Variants in CPSF1 observed in about 807,000 individuals in gnomAD.
CPSF1 encodes the protein cleavage and polyadenylation specific factor 1.
Under a neutral mutation model 175.8 loss-of-function variants are expected in CPSF1, and 106 were observed. The ratio of observed to expected loss-of-function variants is 0.60; its 90% confidence interval spans 0.52 to 0.71. The LOEUF is 0.71. Ranked by LOEUF, CPSF1 falls within the 30% of genes least tolerant of loss-of-function variation. The probability of loss-of-function intolerance (pLI) is 0.00; values close to 1 mark genes in which losing one functional copy is unlikely to be tolerated. For missense variants in CPSF1, 1,734 were observed against 2,022.9 expected (o/e 0.86, Z 2.74); for synonymous variants, 1,024 against 858.3 (o/e 1.19, Z -3.37).
Position 144,400,604 on chromosome 8 carries a change from G to A in CPSF1, c.686+67C>T, listed in dbSNP as rs1352710501. 7.5e-6 allele frequency: 12 copies of A among 1,596,234 alleles called. No homozygotes were observed. The African/African-American group carries it at 1.6e-4, about 21-fold the overall frequency. On this transcript the variant is annotated intron_variant, in intron 7 of 37. Transcript: ENST00000616140. ...CCATAGGCCCCGCCCTAAACCCCAT[G>A]GGCCCCACCCCAGGCAGAGGCAGCT...
chr8:144,394,072 C>T lies in CPSF1; in HGVS notation c.3860-34G>A, dbSNP rs781873059. On this transcript the variant is annotated intron_variant, in intron 34 of 37. Transcript: ENST00000616140. ...GAAAGGCCTAGGGGTCACTGCTAGC[C>T]CAGCCCCGGCCCAGGCAGAGGGGGT... The T allele has an allele frequency of 1.6e-5, 25 of 1,610,750 alleles. 1 individual carries two copies. The South Asian group carries it at 2.6e-4, about 17-fold the overall frequency.
rs781992735 is a variant in CPSF1 at position 144,397,793 on chromosome 8, C to G, written c.2160G>C (p.Glu720Asp). 3 of 1,610,400 alleles carry G rather than the reference C, an allele frequency of 1.9e-6. No homozygotes were observed. The highest frequency in any genetic ancestry group is 2.5e-6 in the Non-Finnish European group (3 of 1,178,902). The change falls in exon 21 of 38, where the codon GAG (glutamate) becomes GAC (aspartate). Residue 720 changes from glutamate (E) to aspartate (D), a missense_variant. Glu to Asp is a conservative substitution (Grantham distance 45). Transcript: ENST00000616140. ...CCTCCGGGCCACTGCGGCCCCCGAG[C>G]TCGTCACGGGCCCCACCCAGGCGGC... ...TESRLGGARD[E>D]LGGRSGPEAE...
At chr8:144,398,751 G>T in intron 17 of CPSF1, 28 bp downstream of exon 17, 1 of 1,589,710 alleles carries the variant, frequency 6.3e-7, no homozygotes, top group Non-Finnish European at 8.6e-7. Flanking sequence ...CCCATCCCAG[G>T]GCCTCCCTGC....
At position 144,393,412 on chromosome 8, in the gene CPSF1, C is replaced by G. The variant is rs1423960230; in HGVS notation, c.4284+40G>C. The G allele has an allele frequency of 8.8e-6, 6 of 681,198 alleles. No homozygotes were observed. The East Asian group carries it at 1.9e-4, about 22-fold the overall frequency. The allele number at this position is 681,198 out of a possible 1,614,324, so 42.2% of individuals were successfully genotyped here. On this transcript the variant is annotated intron_variant, in intron 37 of 37. Coordinates refer to ENST00000616140, the MANE Select transcript of CPSF1 (RefSeq NM_013291.3). ...GTGGGTGGGTGGGTGGGGATGCACA[C>G]GGAGGGGCGGGGCGCGCGGGGGGCG...
In CPSF1 at chr8:144,399,225, G is replaced by A. The variant is rs1564691782; in HGVS notation, c.1393-23C>T. 6.2e-7 allele frequency: 1 copy of A among 1,611,594 alleles called. No individual in the cohort carries two copies. Among genetic ancestry groups the A allele is most frequent in the Non-Finnish European group, 8.5e-7 (1 of 1,179,522 alleles). ...CACCTGCGGCACAGCAAGAGTCAGG[G>A]GCCCGCTGGGGGCGCTGGCTGGGAC... On this transcript the variant is annotated intron_variant, in intron 14 of 37. Coordinates refer to ENST00000616140, the MANE Select transcript of CPSF1 (RefSeq NM_013291.3). This position sits in a 1 kb window ranked among gnomAD's most constrained non-coding sequence, Gnocchi z 6.4.
In CPSF1 at chr8:144,401,567, G is replaced by C; in HGVS notation, c.173-4C>G. The stretch of plus-strand genomic sequence containing the variant: ...TTCTCCCGGTGGGCCTTCCCCTCTA[G>C]GGGAGACACCAGGGCTCAGGGTCAG... On this transcript the variant is annotated splice_polypyrimidine_tract_variant and splice_region_variant and intron_variant, in intron 3 of 37. Coordinates refer to ENST00000616140, the MANE Select transcript of CPSF1 (RefSeq NM_013291.3). The C allele has an allele frequency of 1.2e-6, 2 of 1,613,424 alleles. No homozygotes were observed. The highest frequency in any genetic ancestry group is 1.3e-5 in the African/African-American group (1 of 75,044).
Position 144,393,449 on chromosome 8 carries a change from C to CA in CPSF1, c.4284+2dup. On this transcript the variant is annotated splice_region_variant and intron_variant, in intron 37 of 37. Transcript: ENST00000616140. ...GCGCGCGGGGGGCGGGGCGCGCACTCACTATGTCTGGTGTGGTGCCGATCT... is the reference window on the plus strand; with the variant it reads ...GCGCGCGGGGGGCGGGGCGCGCACTCAACTATGTCTGGTGTGGTGCCGATCT... The CA allele has an allele frequency of 6.5e-7, 1 of 1,549,248 alleles. No individual in the cohort carries two copies. Among genetic ancestry groups the CA allele is most frequent in the African/African-American group, 1.4e-5 (1 of 72,868 alleles).
chr8:144,399,327 C>T lies in CPSF1; in HGVS notation c.1341G>A (p.Val447=). The change falls in exon 14 of 38, where the codon GTG becomes GTA. Residue 447 remains valine, a synonymous_variant. Coordinates refer to ENST00000616140, the MANE Select transcript of CPSF1 (RefSeq NM_013291.3). This position sits in a 1 kb window ranked among gnomAD's most constrained non-coding sequence, Gnocchi z 6.4. The part of the protein sequence containing the change: ...VPQDEVDEIE[V]YGSEAQSGTQ... Reference sequence around the variant, plus strand: ...TTCCCGACTGGGCCTCGCTGCCGTACACTTCAATCTCGTCCACCTCATCCT... The same window carrying T: ...TTCCCGACTGGGCCTCGCTGCCGTATACTTCAATCTCGTCCACCTCATCCT... The T allele has an allele frequency of 1.9e-6, 3 of 1,612,528 alleles. No individual in the cohort carries two copies. The South Asian group carries it at 3.3e-5, about 18-fold the overall frequency.
At chr8:144,400,140 C>A (rs2116871918) in intron 9 of CPSF1, 26 bp downstream of exon 9, 7 of 1,242,080 alleles carry the variant, frequency 5.6e-6, no homozygotes, top group East Asian at 2.6e-5. Flanking sequence ...CCCGGGCCCC[C>A]CCCGCCCCAG....
chr8:144,394,971 G>T lies in CPSF1; in HGVS notation c.3325C>A (p.Arg1109Ser). Reference sequence around the variant, plus strand: ...AGGCCCGACACGGTCTCCTCACTGCGCAGAGACACTGTCTTCATGCAGGTC... The same window carrying T: ...AGGCCCGACACGGTCTCCTCACTGCTCAGAGACACTGTCTTCATGCAGGTC... ...HVTCMKTVSL[R>S]SEETVSGLKG... Residue 1109 changes from arginine to serine, a missense_variant, in exon 30 of 38, where the codon CGC (arginine) becomes AGC (serine). Arg to Ser is a moderately radical substitution (Grantham distance 110). Transcript: ENST00000616140. 6.2e-7 allele frequency: 1 copy of T among 1,612,892 alleles called. No individual in the cohort carries two copies.
intron 31 of CPSF1, 28 bp downstream of exon 31, chr8:144,394,616 G>A (rs1554862874): frequency 1.2e-6 from 2 of 1,602,086 alleles, no homozygotes; most frequent in South Asian, 2.2e-5. Context: ...GTGAGCCGGG[G>A]GACACACGCC....
Position 144,399,218 on chromosome 8 carries a change from A to C in CPSF1, c.1393-16T>G, listed in dbSNP as rs2116860496. On this transcript the variant is annotated splice_polypyrimidine_tract_variant and intron_variant, in intron 14 of 37. Coordinates refer to ENST00000616140, the MANE Select transcript of CPSF1 (RefSeq NM_013291.3). The surrounding 1 kb of genome is among the most constrained non-coding windows in gnomAD (Gnocchi z 6.4). ...TGTCACACACCTGCGGCACAGCAAG[A>C]GTCAGGGGCCCGCTGGGGGCGCTGG... The C allele has an allele frequency of 6.2e-7, 1 of 1,611,438 alleles. No homozygotes were observed. Among genetic ancestry groups the C allele is most frequent in the Non-Finnish European group, 8.5e-7 (1 of 1,179,456 alleles).
At chr8:144,400,142 C>CCA (rs1325701634) in intron 9 of CPSF1, 24 bp downstream of exon 9, 8 of 1,248,284 alleles carry the variant, frequency 6.4e-6, no homozygotes, top group East Asian at 2.5e-5. Context: ...CGGGCCCCCC[C>CCA]CGCCCCAGCC....
rs2116854700 is a variant in CPSF1, at chr8:144,398,772, C to G, written c.1638+7G>C. The G allele has an allele frequency of 3.1e-6, 5 of 1,593,414 alleles. No individual in the cohort carries two copies. Among genetic ancestry groups the G allele is most frequent in the African/African-American group, 2.7e-5 (2 of 74,632 alleles). ...CCAGGGCCTCCCTGCAGCAGGCTCG[C>G]ACCTACCTCCTCCTTACGCACCGGG... On this transcript the variant is annotated splice_region_variant and intron_variant, in intron 17 of 37. Transcript: ENST00000616140.
chr8:144,407,135 G>A (rs1298865757), intron 2 of CPSF1, among the ~76,000 whole-genome samples: 5 of 151,542 alleles, frequency 3.3e-5, no homozygotes, highest in Non-Finnish European at 7.4e-5. Context: ...GACTGGTCTC[G>A]AACCCATGAC....
Position 144,398,446 on chromosome 8 carries a change from G to A in CPSF1, c.1753-3C>T, listed in dbSNP as rs1414634961. The A allele has an allele frequency of 2.5e-6, 4 of 1,613,642 alleles. No individual in the cohort carries two copies. The highest frequency in any genetic ancestry group is 2.2e-5 in the East Asian group (1 of 44,884). On this transcript the variant is annotated splice_region_variant and splice_polypyrimidine_tract_variant and intron_variant, in intron 18 of 37. Transcript: ENST00000616140. ...ATCTCCTGCCCCGTCTGCAGGATCT[G>A]CGGGCGACAGCTGTGAGGGAGGCGC...
At position 144,397,897 on chromosome 8, in the gene CPSF1, G is replaced by C. The variant is rs1820872556; in HGVS notation, c.2074-18C>G. 6.3e-7 allele frequency: 1 copy of C among 1,599,974 alleles called. No homozygotes were observed. The highest frequency in any genetic ancestry group is 1.3e-5 in the African/African-American group (1 of 74,854). On this transcript the variant is annotated intron_variant, in intron 20 of 37. Coordinates refer to ENST00000616140, the MANE Select transcript of CPSF1 (RefSeq NM_013291.3). The stretch of plus-strand genomic sequence containing the variant: ...TTGGACTGCTGCGGGGAGAGGGGTG[G>C]GCTCAGCGGCGGGCAAGGGGCAGGG...
At position 144,396,894 on chromosome 8, in the gene CPSF1, G is replaced by C; in HGVS notation, c.2628C>G (p.Ala876=). The C allele has an allele frequency of 6.2e-7, 1 of 1,613,882 alleles. No individual in the cohort carries two copies. Among genetic ancestry groups the C allele is most frequent in the Non-Finnish European group, 8.5e-7 (1 of 1,179,930 alleles). ...HVDQELLIYE[A]FPHDSQLGQG... Reference sequence around the variant, plus strand: ...GGCCGAGCTGAGAGTCGTGGGGGAAGGCCTCGTAGATAAGCAGCTCTTGGT... The same window carrying C: ...GGCCGAGCTGAGAGTCGTGGGGGAACGCCTCGTAGATAAGCAGCTCTTGGT... The change falls in exon 24 of 38, where the codon GCC becomes GCG. Residue 876 remains alanine (A), a synonymous_variant. Coordinates refer to ENST00000616140, the MANE Select transcript of CPSF1 (RefSeq NM_013291.3).
At chr8:144,402,213 C>T (rs1004810228) in intron 2 of CPSF1, among the ~76,000 whole-genome samples, 1 of 152,248 alleles carries the variant, frequency 6.6e-6, no homozygotes, top group Non-Finnish European at 1.5e-5. Context: ...GCTGTGTGTT[C>T]TTTGCTACTA....
Sources: gnomAD v4.1 joint callset for allele counts (sites outside exome capture counted in the v4.1 genomes callset) on GRCh38, gnomAD v4.1.1 for gene constraint, Gnocchi (gnomAD v3.1) non-coding constraint, MANE v1.5 for transcripts, NCBI Gene and HGNC (gene_info 2026-07-23, HGNC 2026-07-21) for gene names.